Variants in LRRTM3 observed in about 807,000 individuals in gnomAD.
The protein encoded by LRRTM3 is leucine-rich repeat transmembrane neuronal protein 3.
LRRTM3 carries 24 observed loss-of-function variants against 44.7 expected under a neutral mutation model. The observed-to-expected ratio is 0.54, with a 90% CI of 0.39 to 0.76. The LOEUF (loss-of-function observed/expected upper bound fraction) is 0.76. Ranked by LOEUF, LRRTM3 falls within the 30% of genes least tolerant of loss-of-function variation. The pLI is 0.00. For synonymous variants in LRRTM3, 277 were observed against 278.7 expected, an observed-to-expected ratio of 0.99 and a Z score of 0.06; for missense variants, 587 against 702.2, an observed-to-expected ratio of 0.84 and a Z score of 1.85.
chr10:67,021,670 GA>G (rs1446415389), intron 2 of LRRTM3, among the ~76,000 whole-genome samples: 5 of 151,800 alleles, frequency 3.3e-5, no homozygotes, highest in African/African-American at 7.3e-5. Context: ...TATATATTCC[GA>G]AAAAAATGGC....
intron 2 of LRRTM3, among the ~76,000 whole-genome samples, chr10:67,097,161 G>A (rs574020619): frequency 6.6e-6 from 1 of 151,884 alleles, no homozygotes; most frequent in Non-Finnish European, 1.5e-5. Context: ...TGATTTTTGT[G>A]AATGCTAAAG....
At chr10:67,023,669 A>AT (rs1308722132) in intron 2 of LRRTM3, among the ~76,000 whole-genome samples, 1 of 152,196 alleles carries the variant, frequency 6.6e-6, no homozygotes, top group Admixed American at 6.5e-5. Flanking sequence ...ATGGAGAAAA[A>AT]TTGAGTCAAT....
rs995518438 is a variant in LRRTM3, at chr10:66,974,804, GT to G, written c.1536+46363del. Among the ~76,000 whole-genome samples, 1,127 of 140,196 alleles carry G rather than the reference GT, an allele frequency of 8.0e-3. 12 individuals are homozygous for G. The highest frequency in any genetic ancestry group is 0.027 in the African/African-American group (1,037 of 38,586). The allele number at this position is 140,196 out of a possible 152,430, so 92.0% of individuals were successfully genotyped here. A position where few individuals can be genotyped will look rare whatever the true frequency, so the allele number is the denominator to read the frequency against. ...CTTTTCATGTGCTTACCAACCATTT[GT>G]TTTTTTTTTTCTGAAGTGTCTGTTG... On this transcript the variant is annotated intron_variant, in intron 2 of 2. Coordinates refer to ENST00000361320, the MANE Select transcript of LRRTM3 (RefSeq NM_178011.5).
intron 2 of LRRTM3, among the ~76,000 whole-genome samples, chr10:67,051,280 T>G (rs1855071926): frequency 1.3e-5 from 2 of 152,108 alleles, no homozygotes; most frequent in African/African-American, 4.8e-5. Flanking sequence ...TTAATATGAA[T>G]TCTCTTACAC....
chr10:66,984,271 C>T (rs773967380), intron 2 of LRRTM3, among the ~76,000 whole-genome samples: 3 of 152,064 alleles, frequency 2.0e-5, no homozygotes, highest in Non-Finnish European at 2.9e-5. Flanking sequence ...AACCAGAAAT[C>T]CAGAAGATAG....
At chr10:67,095,885 A>C (rs1040915948) in intron 2 of LRRTM3, among the ~76,000 whole-genome samples, 1 of 151,874 alleles carries the variant, frequency 6.6e-6, no homozygotes, top group African/African-American at 2.4e-5. Flanking sequence ...AATGTATTTT[A>C]GTTATCTGGG....
At chr10:67,024,299 C>T (rs966541163) in intron 2 of LRRTM3, among the ~76,000 whole-genome samples, 2 of 152,188 alleles carry the variant, frequency 1.3e-5, no homozygotes, top group African/African-American at 4.8e-5. Flanking sequence ...GACTTTACTG[C>T]TTCTGTCTTT....
chr10:66,938,827 A>G (rs1044364601), intron 2 of LRRTM3, among the ~76,000 whole-genome samples: 3 of 152,218 alleles, frequency 2.0e-5, no homozygotes, highest in African/African-American at 7.2e-5. Context: ...AAAAATTGAG[A>G]CAAAGAAATA....
intron 2 of LRRTM3, among the ~76,000 whole-genome samples, chr10:67,093,904 G>A (rs1051227611): frequency 1.3e-5 from 2 of 151,858 alleles, no homozygotes; most frequent in African/African-American, 4.8e-5. Context: ...TGAAAGGGAC[G>A]GATAATCTCT....
chr10:66,976,352 A>G (rs900996069), intron 2 of LRRTM3, among the ~76,000 whole-genome samples: 6 of 152,198 alleles, frequency 3.9e-5, no homozygotes, highest in African/African-American at 1.4e-4. Flanking sequence ...CAGAAAAAGT[A>G]GAGAAGAACA....
chr10:66,982,863 A>G (rs1850518789), intron 2 of LRRTM3, among the ~76,000 whole-genome samples: 1 of 152,182 alleles, frequency 6.6e-6, no homozygotes, highest in Non-Finnish European at 1.5e-5. Context: ...GAAGTCCTTC[A>G]GCTGACCTGG....
intron 2 of LRRTM3, among the ~76,000 whole-genome samples, chr10:67,022,864 G>C (rs375895984): frequency 1.3e-5 from 2 of 152,196 alleles, no homozygotes; most frequent in African/African-American, 4.8e-5. Flanking sequence ...CTTGAACCCG[G>C]GTGGCGGAGG....
intron 2 of LRRTM3, among the ~76,000 whole-genome samples, chr10:67,042,964 C>T (rs908850096): frequency 1.3e-5 from 2 of 151,942 alleles, no homozygotes; most frequent in African/African-American, 4.8e-5. Flanking sequence ...GAAAACTGAG[C>T]AGCTAGGTCT....
chr10:67,099,822 A>G lies in LRRTM3; in HGVS notation c.*2026A>G, dbSNP rs1046710823. ...TCTAATTTTAATCTTTATGTTTTCC[A>G]TTTTCTAATTTCCTTGCAATGTATT... On this transcript the variant is annotated 3_prime_UTR_variant, in exon 3 of 3. Transcript: ENST00000361320. 1 of 151,688 alleles carries G rather than the reference A, an allele frequency of 6.6e-6. No individual in the cohort carries two copies. Among genetic ancestry groups the G allele is most frequent in the African/African-American group, 2.4e-5 (1 of 41,360 alleles). The allele number at this position is 151,688 out of a possible 1,614,324, so 9.4% of individuals were successfully genotyped here. A position where few individuals can be genotyped will look rare whatever the true frequency, so the allele number is the denominator to read the frequency against.
At chr10:67,077,774 G>A (rs1302740109) in intron 2 of LRRTM3, among the ~76,000 whole-genome samples, 4 of 151,854 alleles carry the variant, frequency 2.6e-5, no homozygotes, top group Non-Finnish European at 5.9e-5. Flanking sequence ...TAAGACAGTA[G>A]GTGGCATATT....
At chr10:66,998,268 CTA>C (rs1270930885) in intron 2 of LRRTM3, among the ~76,000 whole-genome samples, 1 of 152,066 alleles carries the variant, frequency 6.6e-6, no homozygotes, top group Non-Finnish European at 1.5e-5. Flanking sequence ...CCTCCTTACT[CTA>C]TGTTTACTTA....
At chr10:67,062,793 T>C (rs1855836715) in intron 2 of LRRTM3, among the ~76,000 whole-genome samples, 1 of 152,162 alleles carries the variant, frequency 6.6e-6, no homozygotes, top group Admixed American at 6.5e-5. Context: ...GCAAAAGATT[T>C]GGAAGGCAGA....
intron 2 of LRRTM3, among the ~76,000 whole-genome samples, chr10:67,041,361 A>C (rs1156542038): frequency 6.6e-6 from 1 of 152,130 alleles, no homozygotes; most frequent in Non-Finnish European, 1.5e-5. Flanking sequence ...TACTATAAAT[A>C]ATAGAGGTTA....
intron 2 of LRRTM3, among the ~76,000 whole-genome samples, chr10:67,081,938 A>AGAGG (rs564103594): frequency 1.5e-4 from 23 of 152,268 alleles, no homozygotes; most frequent in East Asian, 7.7e-4. Context: ...TTAAAGACTT[A>AGAGG]GAGCTCCTTG....
Sources: allele counts gnomAD v4.1 joint callset (sites outside exome capture counted in the v4.1 genomes callset), GRCh38; gene constraint gnomAD v4.1.1; transcripts MANE v1.5; gene names NCBI Gene and HGNC (gene_info 2026-07-23, HGNC 2026-07-21).